Variants in DCLK2 observed in about 807,000 individuals in gnomAD.
DCLK2 encodes doublecortin like kinase 2, also known as serine/threonine-protein kinase DCLK2.
A neutral mutation model predicts 78.4 loss-of-function variants in DCLK2; 31 were observed. That is an observed-to-expected ratio of 0.40 (90% CI 0.30 to 0.53). The LOEUF (loss-of-function observed/expected upper bound fraction) is 0.53, where lower values mean the gene tolerates loss of function less well. DCLK2 is among the 20% of genes least tolerant of loss of function. The pLI is 0.61. For missense variants in DCLK2, 872 were observed against 973.7 expected (o/e 0.90, Z 1.39); for synonymous variants, 407 against 374.9 (o/e 1.09, Z -0.99).
At chr4:150,145,408 G>A (rs553824179) in intron 2 of DCLK2, among the ~76,000 whole-genome samples, 7 of 152,290 alleles carry the variant, frequency 4.6e-5, no homozygotes, top group African/African-American at 1.7e-4. Context: ...TAATAAAAAG[G>A]TTCCCCAACA....
intron 5 of DCLK2, among the ~76,000 whole-genome samples, chr4:150,217,446 A>C (rs1176667341): frequency 1.3e-5 from 2 of 152,230 alleles, no homozygotes; most frequent in East Asian, 3.8e-4. Context: ...GAGCGATTCA[A>C]ACACAAGCTC....
At chr4:150,140,585 A>G (rs534556312) in intron 2 of DCLK2, among the ~76,000 whole-genome samples, 2 of 152,352 alleles carry the variant, frequency 1.3e-5, no homozygotes, top group East Asian at 3.9e-4. Flanking sequence ...GCACTGCCTT[A>G]TGCTCATGAC....
Position 150,078,860 on chromosome 4 carries a change from G to GTCGGCTCCTCCGCGGC in DCLK2, c.-165_-150dup, listed in dbSNP as rs1729009910. On this transcript the variant is annotated 5_prime_UTR_variant, in exon 1 of 16. Coordinates refer to ENST00000296550, the MANE Select transcript of DCLK2 (RefSeq NM_001040260.4). ...CACTTTTAGCTGAGGGCGCGGGCGG[G>GTCGGCTCCTCCGCGGC]TCGGCTCCTCCGCGGCTCCTCGGCC... 1 of 837,638 alleles carries GTCGGCTCCTCCGCGGC rather than the reference G, an allele frequency of 1.2e-6. No homozygotes were observed. Among genetic ancestry groups the GTCGGCTCCTCCGCGGC allele is most frequent in the South Asian group, 2.3e-5 (1 of 43,124 alleles). The allele number at this position is 837,638 out of a possible 1,614,324, so 51.9% of individuals were successfully genotyped here. A position where few individuals can be genotyped will look rare whatever the true frequency, so the allele number is the denominator to read the frequency against.
intron 2 of DCLK2, among the ~76,000 whole-genome samples, chr4:150,113,375 G>C (rs1246088488): frequency 6.6e-6 from 1 of 152,050 alleles, no homozygotes; most frequent in African/African-American, 2.4e-5. Flanking sequence ...TCTGGCCCTA[G>C]GTTTTTTTGT....
rs150071848 is a variant in DCLK2, at chr4:150,156,881, C to T, written c.757-36257C>T. Among the ~76,000 whole-genome samples, 420 of 151,414 alleles carry T rather than the reference C, an allele frequency of 2.8e-3. 3 individuals are homozygous for T. The highest frequency in any genetic ancestry group is 9.6e-3 in the African/African-American group (396 of 41,236). On this transcript the variant is annotated intron_variant, in intron 2 of 15. Transcript: ENST00000296550. ...GACCTCCTGGGGTCAAGCAATCCTC[C>T]CACCACAGTCTTCCAAGTAGCTGAG... is the stretch of plus-strand genomic sequence containing the variant.
intron 1 of DCLK2, among the ~76,000 whole-genome samples, chr4:150,083,490 G>A (rs1285965896): frequency 6.6e-6 from 1 of 152,162 alleles, no homozygotes; most frequent in Non-Finnish European, 1.5e-5. Flanking sequence ...CCTATCTACC[G>A]CATCTGTTTG....
intron 1 of DCLK2, among the ~76,000 whole-genome samples, chr4:150,082,200 G>T (rs1366627332): frequency 2.0e-5 from 3 of 152,008 alleles, no homozygotes; most frequent in Non-Finnish European, 2.9e-5. Context: ...TGTCAAAATT[G>T]ACTGCTTTAT....
chr4:150,228,292 C>G (rs1328612477), intron 8 of DCLK2, among the ~76,000 whole-genome samples: 1 of 152,206 alleles, frequency 6.6e-6, no homozygotes, highest in African/African-American at 2.4e-5. Context: ...ATTATTCAGT[C>G]TGTTGCGTAT....
intron 10 of DCLK2, among the ~76,000 whole-genome samples, chr4:150,236,166 C>A (rs1264665987): frequency 1.3e-5 from 2 of 152,196 alleles, no homozygotes; most frequent in East Asian, 3.8e-4. Context: ...ATTCTGAGAG[C>A]AACTTTTGAC....
rs1294400122 is a variant in DCLK2 at position 150,079,365 on chromosome 4, A to G, written c.338A>G (p.Asn113Ser). Residue 113 changes from asparagine (N) to serine (S), a missense_variant, in exon 1 of 16, where the codon AAC (asparagine) becomes AGC (serine). Around this residue, in one of 3 missense-constraint regions of DCLK2, gnomAD observed 567 missense variants for 593.4 expected, o/e 0.96. Transcript: ENST00000296550. ...GAGCTCACCCGCTCCCTGTCGGACA[A>G]CGTGAACCTGCCCCAGGGTGTCCGC... Reference protein sequence around the residue: ...LIELTRSLSDNVNLPQGVRTI... With the variant: ...LIELTRSLSDSVNLPQGVRTI... The G allele has an allele frequency of 1.3e-6, 2 of 1,589,612 alleles. No homozygotes were observed. The highest frequency in any genetic ancestry group is 4.6e-5 in the East Asian group (2 of 43,442).
rs550099587 is a variant in DCLK2, at chr4:150,234,551, T to G, written c.1566+1723T>G. Among the ~76,000 whole-genome samples the G allele has an allele frequency of 3.3e-5, 5 of 152,350 alleles. No individual in the cohort carries two copies. In the East Asian group the frequency reaches 7.7e-4, roughly 24 times the overall value. On this transcript the variant is annotated intron_variant, in intron 10 of 15. Coordinates refer to ENST00000296550, the MANE Select transcript of DCLK2 (RefSeq NM_001040260.4). ...GGAATATGCATTGATGCACAGCATC[T>G]GAAGCCATCCTGGGGACTTTTTATT...
At chr4:150,091,769 A>ATGTGTGTGTGTG (rs57146406) in intron 1 of DCLK2, among the ~76,000 whole-genome samples, 1 of 117,020 alleles carries the variant, frequency 8.5e-6, no homozygotes, top group African/African-American at 2.8e-5. Context: ...AGGAACATTT[A>ATGTGTGTGTGTG]TGTGTGTGTG....
At chr4:150,252,363 A>C (rs895638311) in intron 15 of DCLK2, among the ~76,000 whole-genome samples, 1 of 152,270 alleles carries the variant, frequency 6.6e-6, no homozygotes. Flanking sequence ...TTTAATAACC[A>C]TGTTAAGTCT....
chr4:150,137,485 A>G (rs1407406091), intron 2 of DCLK2, among the ~76,000 whole-genome samples: 2 of 151,586 alleles, frequency 1.3e-5, no homozygotes, highest in African/African-American at 4.8e-5. Context: ...GTATACAGGG[A>G]GGGGTGAAGA....
At chr4:150,091,948 T>C (rs1259772823) in intron 1 of DCLK2, among the ~76,000 whole-genome samples, 2 of 152,108 alleles carry the variant, frequency 1.3e-5, no homozygotes, top group Admixed American at 6.6e-5. Flanking sequence ...TTCGTACTCA[T>C]TGAGCAGCAG....
chr4:150,237,321 C>G (rs936711124), intron 10 of DCLK2, among the ~76,000 whole-genome samples: 7 of 152,088 alleles, frequency 4.6e-5, no homozygotes, highest in African/African-American at 1.7e-4. Context: ...GACTAAGAAT[C>G]TGGAATCCGT....
intron 8 of DCLK2, among the ~76,000 whole-genome samples, chr4:150,228,590 C>G (rs943460472): frequency 6.6e-6 from 1 of 152,104 alleles, no homozygotes; most frequent in African/African-American, 2.4e-5. Context: ...AGCTGTGATT[C>G]GGGGCTATGA....
At chr4:150,187,551 C>T (rs1738044074) in intron 2 of DCLK2, among the ~76,000 whole-genome samples, 1 of 152,182 alleles carries the variant, frequency 6.6e-6, no homozygotes, top group Non-Finnish European at 1.5e-5. Context: ...TTCACTACTC[C>T]CCTTCTGTGC....
At chr4:150,223,663 G>GAA (rs1168772725) in intron 7 of DCLK2, among the ~76,000 whole-genome samples, 3 of 152,118 alleles carry the variant, frequency 2.0e-5, no homozygotes, top group African/African-American at 7.2e-5. Flanking sequence ...AGAATTGCTT[G>GAA]AACCTGGGAG....
Sources: gnomAD v4.1 joint callset for allele counts (sites outside exome capture counted in the v4.1 genomes callset) on GRCh38, gnomAD v4.1.1 for gene constraint, gnomAD v4.1.1 regional missense constraint, MANE v1.5 for transcripts, NCBI Gene and HGNC (gene_info 2026-07-23, HGNC 2026-07-21) for gene names.